Variants in KIAA0513 observed in about 807,000 individuals in gnomAD.
The protein encoded by KIAA0513 is KIAA0513, also known as uncharacterized protein KIAA0513.
In KIAA0513, 39 loss-of-function variants were observed where a neutral mutation model predicts 56.5. That is an observed-to-expected ratio of 0.69 (90% CI 0.53 to 0.90). The LOEUF is 0.90. KIAA0513 is among the 40% of genes least tolerant of loss of function. The pLI is 0.00. For synonymous variants in KIAA0513, 268 were observed against 215.6 expected (o/e 1.24, Z -2.13); for missense variants, 591 against 535.2 (o/e 1.10, Z -1.03).
chr16:85,058,596 G>A (rs1387068827), intron 1 of KIAA0513, among the ~76,000 whole-genome samples: 1 of 150,846 alleles, frequency 6.6e-6, no homozygotes, highest in Non-Finnish European at 1.5e-5. Flanking sequence ...AGGTTGCGGT[G>A]AGCCAAGATT....
intron 1 of KIAA0513, among the ~76,000 whole-genome samples, chr16:85,050,848 A>C (rs1358766983): frequency 6.6e-6 from 1 of 152,150 alleles, no homozygotes; most frequent in Non-Finnish European, 1.5e-5. Flanking sequence ...CCTGCCCTTC[A>C]CAGGCGTTTA....
intron 1 of KIAA0513, among the ~76,000 whole-genome samples, chr16:85,057,297 C>T (rs1385786057): frequency 6.6e-6 from 1 of 152,162 alleles, no homozygotes; most frequent in Admixed American, 6.5e-5. Flanking sequence ...ATAGTTTTTT[C>T]TCCTTTCAGT....
intron 4 of KIAA0513, among the ~76,000 whole-genome samples, chr16:85,075,353 C>G (rs1281355027): frequency 6.6e-6 from 1 of 152,122 alleles, no homozygotes; most frequent in East Asian, 1.9e-4. Context: ...AAGGAATGGC[C>G]CGACCCAAGA....
rs748693154 is a variant in KIAA0513, at chr16:85,090,394, C to T, written c.*2069C>T. 1 of 152,122 alleles carries T rather than the reference C, an allele frequency of 6.6e-6. No individual in the cohort carries two copies. The highest frequency in any genetic ancestry group is 1.5e-5 in the Non-Finnish European group (1 of 68,030). 9.4% of individuals were successfully genotyped at this position (152,122 alleles called of 1,614,324 possible). A position where few individuals can be genotyped will look rare whatever the true frequency, so the allele number is the denominator to read the frequency against. ...GTTCTGCGGTGCCCACAGGACTTAC[C>T]CCTGTATGTACAGGATTTTTGTATG... On this transcript the variant is annotated 3_prime_UTR_variant, in exon 13 of 13. Transcript: ENST00000683363.
chr16:85,072,247 C>T (rs947805642), intron 3 of KIAA0513, among the ~76,000 whole-genome samples: 9 of 152,026 alleles, frequency 5.9e-5, no homozygotes, highest in African/African-American at 2.2e-4. Flanking sequence ...ATTTGGATGT[C>T]GCACTTCAAG....
intron 1 of KIAA0513, among the ~76,000 whole-genome samples, chr16:85,050,047 G>A (rs966679511): frequency 2.7e-4 from 41 of 152,110 alleles, no homozygotes; most frequent in Admixed American, 5.9e-4. Flanking sequence ...CAGGGAGGGC[G>A]CGCCTTATGG....
At chr16:85,083,428 G>A (rs187620595) in intron 10 of KIAA0513, among the ~76,000 whole-genome samples, 49 of 152,240 alleles carry the variant, frequency 3.2e-4, no homozygotes, top group African/African-American at 1.1e-3. Flanking sequence ...GCAGACTTAC[G>A]GCTTTCAAAG....
intron 1 of KIAA0513, among the ~76,000 whole-genome samples, chr16:85,054,775 C>G (rs1033317997): frequency 6.6e-6 from 1 of 151,720 alleles, no homozygotes; most frequent in Non-Finnish European, 1.5e-5. Flanking sequence ...CAGCAGTGTG[C>G]CCTTCCCAGA....
chr16:85,034,041 C>G (rs192417534), intron 1 of KIAA0513, among the ~76,000 whole-genome samples: 1 of 152,148 alleles, frequency 6.6e-6, no homozygotes, highest in African/African-American at 2.4e-5. Context: ...CCTCCAACCT[C>G]GCCACAGCAC....
chr16:85,073,167 A>T (rs577584542), intron 4 of KIAA0513, among the ~76,000 whole-genome samples, 169 bp downstream of exon 4: 1 of 152,178 alleles, frequency 6.6e-6, no homozygotes, highest in East Asian at 1.9e-4. Context: ...CACAGTCGTG[A>T]CCTCCATCTC....
intron 4 of KIAA0513, among the ~76,000 whole-genome samples, chr16:85,074,481 C>T (rs549897136): frequency 6.6e-6 from 1 of 152,172 alleles, no homozygotes; most frequent in African/African-American, 2.4e-5. Context: ...CCACACCCAG[C>T]CTGCTCTCTT....
intron 1 of KIAA0513, among the ~76,000 whole-genome samples, chr16:85,045,323 A>G (rs1292103103): frequency 6.6e-6 from 1 of 151,952 alleles, no homozygotes; most frequent in Non-Finnish European, 1.5e-5. Context: ...GGGGGAAGAG[A>G]GTCTTTATAT....
In KIAA0513 at chr16:85,078,430, A is replaced by G. The variant is rs770575647; in HGVS notation, c.798A>G (p.Lys266=). The change falls in exon 7 of 13, where the codon AAA becomes AAG. Residue 266 remains lysine (K), a synonymous_variant. Transcript: ENST00000683363. ...TCTCCCTCAGGGAAGACGAGAACAA[A>G]CCCCAGGAGAAGCGGCCCAGGGCTG... ...LARRNEEDEN[K]PQEKRPRAVT... is the part of the protein sequence containing the mutation. 1.2e-6 allele frequency: 2 copies of G among 1,613,918 alleles called. No individual in the cohort carries two copies. Among genetic ancestry groups the G allele is most frequent in the African/African-American group, 2.7e-5 (2 of 75,048 alleles).
intron 1 of KIAA0513, among the ~76,000 whole-genome samples, chr16:85,055,775 G>A (rs542189920): frequency 1.3e-5 from 2 of 152,142 alleles, no homozygotes; most frequent in Non-Finnish European, 1.5e-5. Flanking sequence ...TGTTATCTTG[G>A]TTTTTTCGGA....
chr16:85,073,922 C>G (rs2073616842), intron 4 of KIAA0513, among the ~76,000 whole-genome samples: 1 of 152,132 alleles, frequency 6.6e-6, no homozygotes, highest in Admixed American at 6.5e-5. Context: ...TGTCTCCCAA[C>G]CAAAAGAAAG....
intron 1 of KIAA0513, among the ~76,000 whole-genome samples, chr16:85,062,930 G>A (rs1429166357): frequency 6.6e-6 from 1 of 152,122 alleles, no homozygotes; most frequent in East Asian, 1.9e-4. Flanking sequence ...AGAGGGTGGG[G>A]TTGCTTCCCT....
intron 11 of KIAA0513, 97 bp downstream of exon 11, chr16:85,086,821 C>T (rs2073815009): frequency 8.8e-7 from 1 of 1,135,874 alleles, no homozygotes; most frequent in Admixed American, 2.1e-5. Flanking sequence ...TGATGTCAGC[C>T]TGCTCTGAGG....
At chr16:85,032,663 G>C (rs2072981198) in intron 1 of KIAA0513, among the ~76,000 whole-genome samples, 1 of 151,636 alleles carries the variant, frequency 6.6e-6, no homozygotes, top group Non-Finnish European at 1.5e-5. Context: ...CAGAGTTTCA[G>C]TCTGTCGTCC....
chr16:85,062,428 G>A (rs1041101586), intron 1 of KIAA0513, among the ~76,000 whole-genome samples: 8 of 152,156 alleles, frequency 5.3e-5, no homozygotes, highest in African/African-American at 1.7e-4. Context: ...CCTACGATGC[G>A]AATTGCAAAG....
Sources: allele counts gnomAD v4.1 joint callset (sites outside exome capture counted in the v4.1 genomes callset), GRCh38; gene constraint gnomAD v4.1.1; transcripts MANE v1.5; gene names NCBI Gene and HGNC (gene_info 2026-07-23, HGNC 2026-07-21).